HEXIM2: variants seen among roughly 807,000 people sequenced by gnomAD.
HEXIM2 encodes HEXIM P-TEFb complex subunit 2.
For synonymous variants in HEXIM2, 159 were observed against 162.7 expected (o/e 0.98, Z 0.17); for missense variants, 413 against 390.8 (o/e 1.06, Z -0.48).
chr17:45,169,307 A>T lies in HEXIM2; in HGVS notation c.359A>T (p.Gln120Leu), dbSNP rs2042957104. Residue 120 changes from glutamine (Q) to leucine (L), a missense_variant, in exon 4 of 4, where the codon CAG becomes CTG. Transcript: ENST00000589230. ...GAGAAACAACAGCGGGATGAGAGGC[A>T]GAGCCAGAGGGCCTCCCGGGTCCGC... The part of the protein sequence containing the change: ...WAEKQQRDER[Q>L]SQRASRVREE... The T allele has an allele frequency of 6.2e-7, 1 of 1,613,874 alleles. No homozygotes were observed. The highest frequency in any genetic ancestry group is 8.5e-7 in the Non-Finnish European group (1 of 1,180,028).
chr17:45,160,720 A>G (rs1042634955), upstream of HEXIM2: 2 of 389,068 alleles, frequency 5.1e-6, no homozygotes, highest in Middle Eastern at 7.6e-4. Context: ...CGTTTCACCA[A>G]GAGGCTGGCG....
chr17:45,161,037 C>A, upstream of HEXIM2: 1 of 1,045,064 alleles, frequency 9.6e-7, no homozygotes, highest in Non-Finnish European at 1.3e-6. Flanking sequence ...CCCTCCCCCG[C>A]GGCGCCAGCC....
At chr17:45,168,132 C>T (rs111952489) in intron 3 of HEXIM2, among the ~76,000 whole-genome samples, 8 of 144,336 alleles carry the variant, frequency 5.5e-5, no homozygotes, top group South Asian at 4.5e-4. Flanking sequence ...GATCCGCCCA[C>T]CTCGGCCTCC....
rs1271655986 is a variant in HEXIM2, at chr17:45,162,823, T to C, written c.30T>C (p.Cys10=). The C allele has an allele frequency of 1.2e-6, 2 of 1,613,824 alleles. No homozygotes were observed. The highest frequency in any genetic ancestry group is 2.2e-5 in the East Asian group (1 of 44,882). Residue 10 remains cysteine (C), a synonymous_variant, in exon 3 of 4, where the codon TGT becomes TGC. Coordinates refer to ENST00000589230, the MANE Select transcript of HEXIM2 (RefSeq NM_001303441.2). ...TGGCCACTCCGAACCAGACCGCCTG[T>C]AATGCAGAGTCACCAGTGGCCCTGG... is the stretch of plus-strand genomic sequence containing the variant. MMATPNQTA[C]NAESPVALEE...
At chr17:45,166,167 C>T (rs1277522398) in intron 3 of HEXIM2, among the ~76,000 whole-genome samples, 1 of 152,104 alleles carries the variant, frequency 6.6e-6, no homozygotes, top group Admixed American at 6.6e-5. Flanking sequence ...CTCTGTCACT[C>T]AGGCTGGAGC....
chr17:45,161,905 C>T lies in HEXIM2; in HGVS notation c.-319C>T, dbSNP rs1028662440. ...TTCCCCCCCATCTTAGTGGCCTGAG[C>T]GGCTTGACCAGAGCTGCTGCAACTG... On this transcript the variant is annotated 5_prime_UTR_variant, in exon 1 of 4. Coordinates refer to ENST00000589230, the MANE Select transcript of HEXIM2 (RefSeq NM_001303441.2). 1.6e-5 allele frequency: 16 copies of T among 985,566 alleles called. No individual in the cohort carries two copies. Among genetic ancestry groups the T allele is most frequent in the Non-Finnish European group, 1.8e-5 (15 of 830,054 alleles). 61.1% of individuals were successfully genotyped at this position (985,566 alleles called of 1,614,324 possible).
At position 45,162,808 on chromosome 17, in the gene HEXIM2, G is replaced by A. The variant is rs778481435; in HGVS notation, c.15G>A (p.Pro5=). 9 of 1,613,848 alleles carry A rather than the reference G, an allele frequency of 5.6e-6. No individual in the cohort carries two copies. Among genetic ancestry groups the A allele is most frequent in the East Asian group, 2.2e-5 (1 of 44,888 alleles). ...TGGAACAGAAGATGATGGCCACTCC[G>A]AACCAGACCGCCTGTAATGCAGAGT... MMAT[P]NQTACNAESP... The change falls in exon 3 of 4, where the codon CCG becomes CCA. Residue 5 remains proline, a synonymous_variant. Transcript: ENST00000589230.
At chr17:45,160,865 T>C (rs1300225456), upstream of HEXIM2, 30 of 1,276,414 alleles carry the variant, frequency 2.4e-5, no homozygotes, top group Non-Finnish European at 3.0e-5. Context: ...CAGGGGGAAT[T>C]AGTGGTTGCT....
rs1382277187 is a variant in HEXIM2 at position 45,161,888 on chromosome 17, C to T, written c.-336C>T. On this transcript the variant is annotated 5_prime_UTR_variant, in exon 1 of 4. Coordinates refer to ENST00000589230, the MANE Select transcript of HEXIM2 (RefSeq NM_001303441.2). ...CGCGTCCAGGCTCTCTCTTCCCCCC[C>T]ATCTTAGTGGCCTGAGCGGCTTGAC... The T allele has an allele frequency of 1.1e-5, 11 of 985,612 alleles. No homozygotes were observed. Among genetic ancestry groups the T allele is most frequent in the Non-Finnish European group, 1.2e-5 (10 of 830,192 alleles). The allele number at this position is 985,612 out of a possible 1,614,324, so 61.1% of individuals were successfully genotyped here. A position where few individuals can be genotyped will look rare whatever the true frequency, so the allele number is the denominator to read the frequency against.
chr17:45,160,653 C>T, upstream of HEXIM2: 1 of 333,424 alleles, frequency 3.0e-6, no homozygotes, highest in Non-Finnish European at 6.0e-6. Flanking sequence ...CTGTAAAGGG[C>T]AAAACCTCAT....
intron 3 of HEXIM2, among the ~76,000 whole-genome samples, chr17:45,164,745 A>T (rs941465265): frequency 6.6e-6 from 1 of 152,226 alleles, no homozygotes; most frequent in East Asian, 1.9e-4. Flanking sequence ...ACCTGGCAAC[A>T]GGAACCCATG....
At chr17:45,162,721 A>G (rs745628187) in intron 2 of HEXIM2, 29 bp from the exon 3 acceptor site, 32 of 1,610,506 alleles carry the variant, frequency 2.0e-5, no homozygotes, top group Non-Finnish European at 2.6e-5. Flanking sequence ...TTCCTTCAGG[A>G]TTTAGGTTTC....
At chr17:45,160,211 TAA>T, upstream of HEXIM2, among the ~76,000 whole-genome samples, 1 of 152,280 alleles carries the variant, frequency 6.6e-6, no homozygotes, top group Non-Finnish European at 1.5e-5. Flanking sequence ...AATGTAAGGT[TAA>T]GAGTTTATTC....
At chr17:45,160,845 T>C (rs1480256284), upstream of HEXIM2, 1 of 1,195,506 alleles carries the variant, frequency 8.4e-7, no homozygotes, top group Non-Finnish European at 1.1e-6. Context: ...TGCCCCTCTC[T>C]AGCTGCTCCC....
chr17:45,164,328 TTC>T (rs1207485336), intron 3 of HEXIM2, among the ~76,000 whole-genome samples: 1 of 151,724 alleles, frequency 6.6e-6, no homozygotes, highest in Non-Finnish European at 1.5e-5. Context: ...GGTGGCACAT[TTC>T]TATAATCCCA....
Position 45,169,901 on chromosome 17 carries a change from A to T in HEXIM2, c.*92A>T. 8.9e-7 allele frequency: 1 copy of T among 1,127,478 alleles called. No individual in the cohort carries two copies. Among genetic ancestry groups the T allele is most frequent in the Non-Finnish European group, 1.2e-6 (1 of 833,976 alleles). The allele number at this position is 1,127,478 out of a possible 1,614,324, so 69.8% of individuals were successfully genotyped here. On this transcript the variant is annotated 3_prime_UTR_variant, in exon 4 of 4. Transcript: ENST00000589230. ...TCTCAAGGAGGCAGGTGGCAGATGA[A>T]AACCACCGTCAACACCCTGTGCGCC...
At chr17:45,163,046 G>C (rs1031631069) in intron 3 of HEXIM2, among the ~76,000 whole-genome samples, 187 bp downstream of exon 3, 1 of 152,196 alleles carries the variant, frequency 6.6e-6, no homozygotes, top group Non-Finnish European at 1.5e-5. Context: ...GTAACTGGCC[G>C]GGTGCGGTGG....
chr17:45,169,880 A>C lies in HEXIM2; in HGVS notation c.*71A>C. The C allele has an allele frequency of 2.1e-4, 280 of 1,320,868 alleles. No individual in the cohort carries two copies. The highest frequency in any genetic ancestry group is 2.5e-4 in the Non-Finnish European group (255 of 1,010,690). 81.8% of individuals were successfully genotyped at this position (1,320,868 alleles called of 1,614,324 possible). On this transcript the variant is annotated 3_prime_UTR_variant, in exon 4 of 4. Coordinates refer to ENST00000589230, the MANE Select transcript of HEXIM2 (RefSeq NM_001303441.2). ...TGCACACTCAGGCCAGCTGGGTCTCAAGGAGGCAGGTGGCAGATGAAAACC... is the reference window on the plus strand; with the variant it reads ...TGCACACTCAGGCCAGCTGGGTCTCCAGGAGGCAGGTGGCAGATGAAAACC...
upstream of HEXIM2, chr17:45,160,999 C>G: frequency 7.9e-7 from 1 of 1,263,290 alleles, no homozygotes; most frequent in Non-Finnish European, 1.0e-6. Context: ...ACTGCCACGC[C>G]GACTTGTGGC....
Sources: allele counts gnomAD v4.1 joint callset (sites outside exome capture counted in the v4.1 genomes callset), GRCh38; gene constraint gnomAD v4.1.1; transcripts MANE v1.5; gene names NCBI Gene and HGNC (gene_info 2026-07-23, HGNC 2026-07-21).